CRYBG1: variants seen among roughly 807,000 people sequenced by gnomAD.
CRYBG1 encodes crystallin beta-gamma domain containing 1.
CRYBG1 carries 139 observed loss-of-function variants against 189.2 expected under a neutral mutation model. That is an observed-to-expected ratio of 0.73 (90% confidence interval 0.64 to 0.85). The LOEUF is 0.85. CRYBG1 is among the 40% of genes least tolerant of loss of function. The pLI, the probability that CRYBG1 is intolerant of heterozygous loss-of-function variation, is 0.00. For missense variants in CRYBG1, 2,611 were observed against 2,675.8 expected (o/e 0.98, Z 0.53); for synonymous variants, 1,023 against 1,017.1 (o/e 1.01, Z -0.11).
At chr6:106,558,463 A>T in intron 17 of CRYBG1, 23 bp from the exon 18 acceptor site, 2 of 1,544,186 alleles carry the variant, frequency 1.3e-6, no homozygotes, top group Non-Finnish European at 1.8e-6. Flanking sequence ...GAATAACAGA[A>T]CATTGTTTTT....
intron 1 of CRYBG1, among the ~76,000 whole-genome samples, chr6:106,365,411 A>G (rs1380699628): frequency 6.7e-6 from 1 of 150,364 alleles, no homozygotes; most frequent in Non-Finnish European, 1.5e-5. Context: ...TGGGTGACAG[A>G]GTGAGACTCT....
In CRYBG1 at chr6:106,434,792, T is replaced by A. The variant is rs550241119; in HGVS notation, c.174-16902T>A. ...GCCAGAGTTGGCCTGCAGGCCTTAG[T>A]GTGCTAAGCCCTGATGTAAAAGAAA... On this transcript the variant is annotated intron_variant, in intron 1 of 21. Transcript: ENST00000633556. Among the ~76,000 whole-genome samples, 5 of 152,364 alleles carry A rather than the reference T, an allele frequency of 3.3e-5. No homozygotes were observed. The East Asian group carries it at 9.6e-4, about 29-fold the overall frequency.
intron 13 of CRYBG1, 51 bp from the exon 14 acceptor site, chr6:106,551,801 G>C (rs370304032): frequency 6.4e-7 from 1 of 1,572,188 alleles, no homozygotes; most frequent in Non-Finnish European, 8.7e-7. Flanking sequence ...ATATGTGATC[G>C]TTTTATATGT....
chr6:106,517,751 A>C (rs915407247), intron 3 of CRYBG1, among the ~76,000 whole-genome samples: 10 of 152,130 alleles, frequency 6.6e-5, no homozygotes, highest in African/African-American at 2.4e-4. Flanking sequence ...AAGATGAAGA[A>C]GTTAGAGTCC....
chr6:106,455,149 T>A (rs1771860138), intron 2 of CRYBG1, among the ~76,000 whole-genome samples: 1 of 152,174 alleles, frequency 6.6e-6, no homozygotes, highest in South Asian at 2.1e-4. Flanking sequence ...GCATTAAATA[T>A]TTAGTTGGCT....
chr6:106,567,591 C>T (rs1774928202), intron 21 of CRYBG1, among the ~76,000 whole-genome samples: 1 of 152,076 alleles, frequency 6.6e-6, no homozygotes, highest in Non-Finnish European at 1.5e-5. Context: ...CAGATTTTTA[C>T]TTTGATGGGG....
At chr6:106,460,383 G>A (rs1771985920) in intron 2 of CRYBG1, among the ~76,000 whole-genome samples, 1 of 152,156 alleles carries the variant, frequency 6.6e-6, no homozygotes, top group Non-Finnish European at 1.5e-5. Flanking sequence ...GTATTGCGTT[G>A]TTTACCTTGC....
At chr6:106,376,993 A>G (rs556456224) in intron 1 of CRYBG1, among the ~76,000 whole-genome samples, 2 of 152,220 alleles carry the variant, frequency 1.3e-5, no homozygotes, top group Admixed American at 1.3e-4. Context: ...TGGAACAGAG[A>G]AAAAGGAGCA....
intron 1 of CRYBG1, among the ~76,000 whole-genome samples, chr6:106,383,994 C>G (rs1446394098): frequency 6.6e-6 from 1 of 152,192 alleles, no homozygotes; most frequent in Non-Finnish European, 1.5e-5. Flanking sequence ...GCATTTCTAA[C>G]AAAGCAAGTC....
At chr6:106,374,323 G>T (rs929750517) in intron 1 of CRYBG1, among the ~76,000 whole-genome samples, 5 of 152,180 alleles carry the variant, frequency 3.3e-5, no homozygotes, top group Non-Finnish European at 5.9e-5. Context: ...TGAGGCTAAG[G>T]TGGGAGGATT....
intron 19 of CRYBG1, among the ~76,000 whole-genome samples, 177 bp from the exon 20 acceptor site, chr6:106,561,165 C>T (rs1225956631): frequency 6.6e-6 from 1 of 152,192 alleles, no homozygotes; most frequent in Admixed American, 6.5e-5. Flanking sequence ...CTGCCTCAGG[C>T]GCTTTGACAT....
intron 3 of CRYBG1, among the ~76,000 whole-genome samples, chr6:106,517,453 C>T (rs866410754): frequency 3.0e-5 from 3 of 101,112 alleles, no homozygotes; most frequent in Non-Finnish European, 7.3e-5. Context: ...TATATACACA[C>T]ATATATATAT....
intron 2 of CRYBG1, among the ~76,000 whole-genome samples, chr6:106,496,463 C>G (rs1772853447): frequency 6.6e-6 from 1 of 152,124 alleles, no homozygotes; most frequent in Non-Finnish European, 1.5e-5. Context: ...GAAATCGTAA[C>G]AGAATTAATA....
chr6:106,387,866 T>C (rs1296901304), intron 1 of CRYBG1, among the ~76,000 whole-genome samples: 2 of 152,236 alleles, frequency 1.3e-5, no homozygotes, highest in African/African-American at 2.4e-5. Context: ...TGTATTATCA[T>C]CCATGAACGT....
Position 106,370,619 on chromosome 6 carries a change from T to C in CRYBG1, c.173+9538T>C, listed in dbSNP as rs1241363195. Among the ~76,000 whole-genome samples, 3 of 152,210 alleles carry C rather than the reference T, an allele frequency of 2.0e-5. 1 individual carries two copies. The highest frequency in any genetic ancestry group is 4.4e-5 in the Non-Finnish European group (3 of 68,048). ...GATACTTTATCCCACTTGAGGCTTA[T>C]AAGGGTTCTGTGAAATAAGCCCATA... On this transcript the variant is annotated intron_variant, in intron 1 of 21. Transcript: ENST00000633556.
intron 2 of CRYBG1, among the ~76,000 whole-genome samples, chr6:106,468,957 G>A (rs1772167527): frequency 6.6e-6 from 1 of 152,106 alleles, no homozygotes; most frequent in Non-Finnish European, 1.5e-5. Context: ...GGATGAATCA[G>A]ATCCAACTAC....
chr6:106,431,692 T>C (rs1336887024), intron 1 of CRYBG1, among the ~76,000 whole-genome samples: 1 of 152,196 alleles, frequency 6.6e-6, no homozygotes, highest in East Asian at 1.9e-4. Context: ...CACTGTTTTG[T>C]AGTGTGCTAT....
At chr6:106,561,264 T>C in intron 19 of CRYBG1, 78 bp from the exon 20 acceptor site, 1 of 1,466,250 alleles carries the variant, frequency 6.8e-7, no homozygotes, top group Non-Finnish European at 9.3e-7. Flanking sequence ...CACTTTGGAT[T>C]CTTCCTGATA....
intron 1 of CRYBG1, among the ~76,000 whole-genome samples, chr6:106,363,028 G>A (rs1408435779): frequency 6.6e-6 from 1 of 151,572 alleles, no homozygotes; most frequent in Non-Finnish European, 1.5e-5. Context: ...GGCGGATCAC[G>A]AGGTCAGGAG....
Sources: allele counts gnomAD v4.1 joint callset (sites outside exome capture counted in the v4.1 genomes callset), GRCh38; gene constraint gnomAD v4.1.1; transcripts MANE v1.5; gene names NCBI Gene and HGNC (gene_info 2026-07-23, HGNC 2026-07-21).